CASP9: variants seen among roughly 807,000 people sequenced by gnomAD.
CASP9 encodes the protein caspase 9, also known as caspase-9.
In CASP9, 29 loss-of-function variants were observed where a neutral mutation model predicts 43.5. The ratio of observed to expected loss-of-function variants is 0.67; its 90% CI spans 0.50 to 0.91. The LOEUF (loss-of-function observed/expected upper bound fraction) is 0.91. Ranked by LOEUF, CASP9 falls within the 40% of genes least tolerant of loss-of-function variation. The pLI is 0.00. For synonymous variants in CASP9, 206 were observed against 211.9 expected, an observed-to-expected ratio of 0.97 and a Z score of 0.24; for missense variants, 575 against 537.4, an observed-to-expected ratio of 1.07 and a Z score of -0.69.
rs1202978645 is a variant in CASP9, at chr1:15,504,768, C to G, written c.721-10G>C. The G allele has an allele frequency of 6.2e-7, 1 of 1,605,358 alleles. No homozygotes were observed. The highest frequency in any genetic ancestry group is 8.5e-7 in the Non-Finnish European group (1 of 1,176,846). ...ACTGCAGGTGGCTGGCCTAGAAGAC[C>G]AAGAACCCTGGTTACAAAACCAAGA... On this transcript the variant is annotated splice_polypyrimidine_tract_variant and intron_variant, in intron 5 of 8. Transcript: ENST00000333868.
At chr1:15,504,079 T>C (rs1291331803) in intron 6 of CASP9, among the ~76,000 whole-genome samples, 2 of 152,170 alleles carry the variant, frequency 1.3e-5, no homozygotes, top group African/African-American at 4.8e-5. Flanking sequence ...AACTCCTGGC[T>C]CAAGCAATCC....
chr1:15,508,951 T>C (rs1709630421), intron 2 of CASP9, among the ~76,000 whole-genome samples: 1 of 152,152 alleles, frequency 6.6e-6, no homozygotes, highest in East Asian at 1.9e-4. Context: ...TAACACAAGA[T>C]TGGAGTGGGG....
intron 7 of CASP9, among the ~76,000 whole-genome samples, chr1:15,494,970 C>T (rs1392680532): frequency 6.6e-6 from 1 of 151,942 alleles, no homozygotes; most frequent in Non-Finnish European, 1.5e-5. Context: ...GTTTAATTCC[C>T]ATGGAAACCC....
intron 1 of CASP9, among the ~76,000 whole-genome samples, chr1:15,519,419 C>G (rs371472648): frequency 1.3e-5 from 2 of 152,126 alleles, no homozygotes; most frequent in South Asian, 4.1e-4. Flanking sequence ...TGACCTCAAG[C>G]GATCCACCAA....
chr1:15,494,905 C>A (rs4646093), intron 7 of CASP9, among the ~76,000 whole-genome samples: 45,024 of 149,066 alleles, frequency 0.3, 7,280 homozygotes, highest in East Asian at 0.58. Context: ...GAAACTACCG[C>A]TTGCTGCAAC....
In CASP9 at chr1:15,502,376, T is replaced by A. The variant is rs139571889; in HGVS notation, c.868+2235A>T. ...TGGCTCATGCCTGTTATCCCAGCACTTTGGGAGGCGGAGGTGGGAGTATCA... is the reference window on the plus strand; with the variant it reads ...TGGCTCATGCCTGTTATCCCAGCACATTGGGAGGCGGAGGTGGGAGTATCA... On this transcript the variant is annotated intron_variant, in intron 6 of 8. Coordinates refer to ENST00000333868, the MANE Select transcript of CASP9 (RefSeq NM_001229.5). Among the ~76,000 whole-genome samples, 89 of 152,230 alleles carry A rather than the reference T, an allele frequency of 5.8e-4. 1 individual carries two copies. The East Asian group carries it at 0.013, about 22-fold the overall frequency.
chr1:15,511,701 G>C (rs781440910), intron 2 of CASP9, among the ~76,000 whole-genome samples: 45 of 152,318 alleles, frequency 3.0e-4, no homozygotes, highest in Non-Finnish European at 5.3e-4. Flanking sequence ...ACCATGCCCA[G>C]CCTACCTAGA....
At chr1:15,520,878 C>T (rs1260551944) in intron 1 of CASP9, among the ~76,000 whole-genome samples, 1 of 152,040 alleles carries the variant, frequency 6.6e-6, no homozygotes, top group East Asian at 1.9e-4. Context: ...TGAACCCTGG[C>T]TGGGCGCGGT....
chr1:15,516,480 TTAAA>T (rs1709954058), intron 2 of CASP9, among the ~76,000 whole-genome samples: 1 of 46,880 alleles, frequency 2.1e-5, no homozygotes, highest in African/African-American at 6.9e-5. Flanking sequence ...CTTGCCTCAA[TTAAA>T]AAAAAAAAAA....
chr1:15,513,095 A>G (rs1260268187), intron 2 of CASP9, among the ~76,000 whole-genome samples: 1 of 149,000 alleles, frequency 6.7e-6, no homozygotes, highest in Non-Finnish European at 1.5e-5. Flanking sequence ...CAGGAGGCAG[A>G]GCTTGCAGTG....
chr1:15,506,176 T>C (rs1709513119), intron 4 of CASP9, 97 bp from the exon 5 acceptor site: 3 of 826,666 alleles, frequency 3.6e-6, no homozygotes, highest in East Asian at 5.1e-5. Context: ...TGGCCAGGCA[T>C]GGTGGTTCAC....
At position 15,507,089 on chromosome 1, in the gene CASP9, G is replaced by A; in HGVS notation, c.454-14C>T. The stretch of plus-strand genomic sequence containing the variant: ...CAGGATGTAAGCCTGCCAGCACAGG[G>A]ACCCACGTAAACCCGGGCTCTCCCC... On this transcript the variant is annotated splice_polypyrimidine_tract_variant and intron_variant, in intron 3 of 8. Transcript: ENST00000333868. 3 of 1,613,126 alleles carry A rather than the reference G, an allele frequency of 1.9e-6. No homozygotes were observed. Among genetic ancestry groups the A allele is most frequent in the South Asian group, 1.1e-5 (1 of 91,036 alleles).
chr1:15,524,591 ACCGCC>A, upstream of CASP9: 3 of 525,372 alleles, frequency 5.7e-6, no homozygotes, highest in African/African-American at 9.6e-5. Flanking sequence ...ACCTCACGTC[ACCGCC>A]CCGCCCCCGC....
upstream of CASP9, chr1:15,524,894 GCC>G: frequency 2.8e-6 from 1 of 352,754 alleles, no homozygotes; most frequent in Non-Finnish European, 3.4e-6. Context: ...CCGCGCCACC[GCC>G]CCGCCCCCAG....
At position 15,495,320 on chromosome 1, in the gene CASP9, C is replaced by G. The variant is rs1236140327; in HGVS notation, c.1001G>C (p.Ser334Thr). 1 of 1,611,152 alleles carries G rather than the reference C, an allele frequency of 6.2e-7. No individual in the cohort carries two copies. Among genetic ancestry groups the G allele is most frequent in the Non-Finnish European group, 8.5e-7 (1 of 1,179,256 alleles). ...AAAGATGTCACTGGGTGTGGGCAAACTAGATATGGCGTCCAGCTGGTCGAA... is the reference window on the plus strand; with the variant it reads ...AAAGATGTCACTGGGTGTGGGCAAAGTAGATATGGCGTCCAGCTGGTCGAA... ...RTFDQLDAIS[S>T]LPTPSDIFVS... The change falls in exon 7 of 9, where the codon AGT becomes ACT. Residue 334 changes from serine (S) to threonine (T), a missense_variant. Coordinates refer to ENST00000333868, the MANE Select transcript of CASP9 (RefSeq NM_001229.5).
At chr1:15,494,862 C>CAAAA (rs563954013) in intron 7 of CASP9, among the ~76,000 whole-genome samples, 96 of 44,002 alleles carry the variant, frequency 2.2e-3, no homozygotes, top group African/African-American at 2.5e-3. Flanking sequence ...GATTCCATCT[C>CAAAA]AAAAAAAAAA....
intron 2 of CASP9, among the ~76,000 whole-genome samples, chr1:15,509,175 CTTCTCT>C (rs1199625841): frequency 6.6e-6 from 1 of 152,172 alleles, no homozygotes; most frequent in Non-Finnish European, 1.5e-5. Context: ...AGACAGAGCT[CTTCTCT>C]TTCTTTCACC....
rs1313746235 is a variant in CASP9 at position 15,493,610 on chromosome 1, C to A, written c.1158+282G>T. Reference sequence around the variant, plus strand: ...TGGACAGAGCCATCCTGCGCTGGCACTGAGGACCAGCTCCATCAGTGGAGG... The same window carrying A: ...TGGACAGAGCCATCCTGCGCTGGCAATGAGGACCAGCTCCATCAGTGGAGG... On this transcript the variant is annotated intron_variant, in intron 8 of 8. Transcript: ENST00000333868. 12 of 1,436,764 alleles carry A rather than the reference C, an allele frequency of 8.4e-6. No individual in the cohort carries two copies. The East Asian group carries it at 2.7e-4, about 33-fold the overall frequency. The allele number at this position is 1,436,764 out of a possible 1,614,324, so 89.0% of individuals were successfully genotyped here.
chr1:15,510,539 C>G (rs948304365), intron 2 of CASP9, among the ~76,000 whole-genome samples: 4 of 152,194 alleles, frequency 2.6e-5, no homozygotes, highest in Non-Finnish European at 4.4e-5. Flanking sequence ...GGAATTCACT[C>G]ATTCCCCAAA....
Sources: allele counts gnomAD v4.1 joint callset (sites outside exome capture counted in the v4.1 genomes callset), GRCh38; gene constraint gnomAD v4.1.1; transcripts MANE v1.5; gene names NCBI Gene and HGNC (gene_info 2026-07-23, HGNC 2026-07-21).